Variants in PARVB observed in about 807,000 individuals in gnomAD.
PARVB encodes the protein parvin beta.
In PARVB, 46 loss-of-function variants were observed where a neutral mutation model predicts 47.0. The observed-to-expected ratio is 0.98, with a 90% CI of 0.77 to 1.25. The LOEUF is 1.25. PARVB is among the 50% of genes most tolerant of loss of function. PARVB has a pLI of 0.00. For missense variants in PARVB, 473 were observed against 471.6 expected (o/e 1.00, Z -0.03); for synonymous variants, 196 against 196.3 (o/e 1.00, Z 0.01).
chr22:44,048,819 C>T (rs1432501761), intron 1 of PARVB, among the ~76,000 whole-genome samples: 1 of 152,160 alleles, frequency 6.6e-6, no homozygotes. Context: ...CTCGGCCTCT[C>T]AAAGTGCTGG....
At chr22:44,136,341 C>T in intron 6 of PARVB, 119 bp from the exon 7 acceptor site, 1 of 882,836 alleles carries the variant, frequency 1.1e-6, no homozygotes. Flanking sequence ...ACCACCCCTC[C>T]TTCTCCTGTT....
At chr22:44,148,075 C>T (rs2053726003) in intron 9 of PARVB, 153 bp downstream of exon 9, 3 of 678,166 alleles carry the variant, frequency 4.4e-6, no homozygotes, top group African/African-American at 1.8e-5. Context: ...AAAAACCTAA[C>T]CACAGTGCAT....
chr22:44,169,295 A>G lies in PARVB; in HGVS notation c.*617A>G, dbSNP rs2054241831. On this transcript the variant is annotated 3_prime_UTR_variant, in exon 13 of 13. Coordinates refer to ENST00000338758, the MANE Select transcript of PARVB (RefSeq NM_013327.5). ...CCCACATTCCTATCACTTCTTGGTC[A>G]CTCGTTTTAATGTAGGTTTTGCACA... The G allele has an allele frequency of 6.7e-6, 1 of 150,198 alleles. No individual in the cohort carries two copies. The highest frequency in any genetic ancestry group is 2.5e-5 in the African/African-American group (1 of 39,470). The allele number at this position is 150,198 out of a possible 1,614,324, so 9.3% of individuals were successfully genotyped here.
Position 44,054,862 on chromosome 22 carries a change from C to T in PARVB, c.112+30411C>T, listed in dbSNP as rs1175603753. On this transcript the variant is annotated intron_variant, in intron 1 of 12. Transcript: ENST00000338758. ...AAAATTAGCCGGGTGTGGTGGTGGG[C>T]GCCTGTAATCCCAGCTGCTCGGGAG... Among the ~76,000 whole-genome samples the T allele has an allele frequency of 4.0e-5, 6 of 151,526 alleles. 1 individual carries two copies. The highest frequency in any genetic ancestry group is 7.3e-5 in the African/African-American group (3 of 41,310).
At chr22:44,152,435 C>T (rs1180596102) in intron 10 of PARVB, 1 of 152,154 alleles carries the variant, frequency 6.6e-6, no homozygotes, top group Non-Finnish European at 1.5e-5. Flanking sequence ...TTGGGAGACA[C>T]AAAACCCCAA....
chr22:44,074,976 T>C (rs2051735619), intron 1 of PARVB, among the ~76,000 whole-genome samples: 1 of 152,138 alleles, frequency 6.6e-6, no homozygotes, highest in East Asian at 1.9e-4. Flanking sequence ...ACACTGAGGA[T>C]TCTTGGTTGT....
chr22:44,046,132 C>T (rs1283629676), intron 1 of PARVB, among the ~76,000 whole-genome samples: 1 of 152,226 alleles, frequency 6.6e-6, no homozygotes, highest in Non-Finnish European at 1.5e-5. Flanking sequence ...TCTTGCCTCT[C>T]CAGGCAGATT....
intron 1 of PARVB, among the ~76,000 whole-genome samples, chr22:44,091,029 T>C (rs892249998): frequency 6.6e-6 from 1 of 152,200 alleles, no homozygotes; most frequent in Admixed American, 6.5e-5. Context: ...CTGTGGGGGT[T>C]CTTCTGGATT....
chr22:44,162,403 C>T (rs1190711070), intron 11 of PARVB, among the ~76,000 whole-genome samples: 1 of 152,176 alleles, frequency 6.6e-6, no homozygotes, highest in Non-Finnish European at 1.5e-5. Context: ...CTCACTGCAA[C>T]CTCCGCCTCC....
chr22:44,037,736 C>T (rs1490974617), intron 1 of PARVB, among the ~76,000 whole-genome samples: 2 of 152,248 alleles, frequency 1.3e-5, no homozygotes, highest in African/African-American at 4.8e-5. Context: ...ATCTTCCCAG[C>T]TGGCTCCTAG....
At chr22:44,076,217 GCCCCATGGCAGCTGAGTCGTGGA>G (rs2051770054) in intron 1 of PARVB, among the ~76,000 whole-genome samples, 1 of 152,228 alleles carries the variant, frequency 6.6e-6, no homozygotes, top group South Asian at 2.1e-4. Context: ...TGAGTTGGGG[GCCCCATGGCAGCTGAGTCGTGGA>G]CTCCATGGCC....
At chr22:44,167,644 G>A (rs910691070) in intron 12 of PARVB, among the ~76,000 whole-genome samples, 1 of 152,112 alleles carries the variant, frequency 6.6e-6, no homozygotes, top group African/African-American at 2.4e-5. Flanking sequence ...TTGGGAGCTG[G>A]GGTGGACTCT....
chr22:44,060,634 T>C (rs1212931361), intron 1 of PARVB, among the ~76,000 whole-genome samples: 1 of 151,838 alleles, frequency 6.6e-6, no homozygotes. Flanking sequence ...AAAGGTGGAA[T>C]ACACCCGGGT....
rs1219364059 is a variant in PARVB at position 44,101,858 on chromosome 22, T to C, written c.273+1735T>C. The stretch of plus-strand genomic sequence containing the variant: ...ATTTGTTTTATTTTTTCCCTCTGAA[T>C]ACCCACTTTGTTATTTCAAACAGAA... On this transcript the variant is annotated intron_variant, in intron 3 of 12. Transcript: ENST00000338758. Among the ~76,000 whole-genome samples the C allele has an allele frequency of 2.0e-5, 3 of 152,174 alleles. No individual in the cohort carries two copies. In the South Asian group the frequency reaches 6.2e-4, roughly 32 times the overall value.
chr22:44,015,941 A>G (rs1308687897), intron 2 of PARVB, among the ~76,000 whole-genome samples: 1 of 152,174 alleles, frequency 6.6e-6, no homozygotes, highest in South Asian at 2.1e-4. Context: ...CACCTGGCCC[A>G]ACCAATCGTT....
chr22:44,148,446 G>A (rs1371902350), intron 9 of PARVB: 1 of 169,594 alleles, frequency 5.9e-6, no homozygotes, highest in Non-Finnish European at 1.3e-5. Context: ...GCTTCTGGGG[G>A]ATCTGCCAGG....
At chr22:44,143,087 C>T (rs1366992366) in intron 8 of PARVB, 3 of 152,504 alleles carry the variant, frequency 2.0e-5, no homozygotes, top group Non-Finnish European at 2.9e-5. Flanking sequence ...CCCCATGGCT[C>T]ACTCTTTCAG....
In PARVB at chr22:44,120,065, C is replaced by T. The variant is rs115099801; in HGVS notation, c.376+925C>T. 567 of 355,486 alleles carry T rather than the reference C, an allele frequency of 1.6e-3. 1 individual carries two copies. Among genetic ancestry groups the T allele is most frequent in the African/African-American group, 0.011 (523 of 46,894 alleles). The allele number at this position is 355,486 out of a possible 1,614,324, so 22.0% of individuals were successfully genotyped here. ...TGCCATCGCCTTCGACAGGTGGGGA[C>T]GTTGGGGCCCACAGTCTCCTGGTGA... On this transcript the variant is annotated intron_variant, in intron 4 of 12. Coordinates refer to ENST00000338758, the MANE Select transcript of PARVB (RefSeq NM_013327.5).
chr22:44,075,594 G>A (rs2051752499), intron 1 of PARVB, among the ~76,000 whole-genome samples: 1 of 152,170 alleles, frequency 6.6e-6, no homozygotes, highest in Admixed American at 6.5e-5. Context: ...TGCCCCACCT[G>A]CTCATCCCTG....
Sources: gnomAD v4.1 joint callset for allele counts (sites outside exome capture counted in the v4.1 genomes callset) on GRCh38, gnomAD v4.1.1 for gene constraint, MANE v1.5 for transcripts, NCBI Gene and HGNC (gene_info 2026-07-23, HGNC 2026-07-21) for gene names.